Variants in PLXNA1 observed in about 807,000 individuals in gnomAD.
PLXNA1 encodes plexin-A1.
PLXNA1 carries 77 observed loss-of-function variants against 191.7 expected under a neutral mutation model. The observed-to-expected ratio is 0.40, with a 90% confidence interval of 0.33 to 0.49. The LOEUF (loss-of-function observed/expected upper bound fraction) is 0.49. Ranked by LOEUF, PLXNA1 falls within the 20% of genes least tolerant of loss-of-function variation. PLXNA1 has a pLI of 0.63. For synonymous variants in PLXNA1, 1,137 were observed against 1,156.4 expected (o/e 0.98, Z 0.34); for missense variants, 2,110 against 2,660.2 (o/e 0.79, Z 4.55).
chr3:127,014,926 C>T, intron 14 of PLXNA1, 95 bp downstream of exon 14: 2 of 1,510,616 alleles, frequency 1.3e-6, no homozygotes, highest in Non-Finnish European at 8.9e-7. Context: ...CTTGTCTGGC[C>T]ATGCTCTGCC....
Position 127,027,936 on chromosome 3 carries a change from G to A in PLXNA1, c.4363-4G>A, listed in dbSNP as rs748516636. 15 of 1,613,034 alleles carry A rather than the reference G, an allele frequency of 9.3e-6. No homozygotes were observed. The highest frequency in any genetic ancestry group is 8.9e-5 in the East Asian group (4 of 44,832). ...GCTGCAGCCTCATGCCGCCACCCCCGCAGGAGTGCGCTGGGGAGCCGCTGT... is the reference window on the plus strand; with the variant it reads ...GCTGCAGCCTCATGCCGCCACCCCCACAGGAGTGCGCTGGGGAGCCGCTGT... On this transcript the variant is annotated splice_polypyrimidine_tract_variant and splice_region_variant and intron_variant, in intron 23 of 31. Coordinates refer to ENST00000393409, the MANE Select transcript of PLXNA1 (RefSeq NM_032242.4).
rs565541810 is a variant in PLXNA1, at chr3:127,030,360, G to A, written c.5179G>A (p.Asp1727Asn). ...YMFDFLDEQA[D>N]KHQIHDADVR... is the part of the protein sequence containing the mutation. ...GTTCGACTTCCTGGATGAGCAGGCC[G>A]ACAAGCACCAGATCCACGATGCTGA... The change falls in exon 29 of 32, where the codon GAC (aspartate) becomes AAC (asparagine). Residue 1727 changes from aspartate (D) to asparagine (N), a missense_variant. Around this residue, in one of 4 missense-constraint regions of PLXNA1, gnomAD observed 559 missense variants for 911.5 expected, o/e 0.61. Coordinates refer to ENST00000393409, the MANE Select transcript of PLXNA1 (RefSeq NM_032242.4). 21 of 1,614,004 alleles carry A rather than the reference G, an allele frequency of 1.3e-5. No homozygotes were observed. The highest frequency in any genetic ancestry group is 2.2e-5 in the East Asian group (1 of 44,884).
rs369081095 is a variant in PLXNA1, at chr3:127,014,245, G to T, written c.2474G>T (p.Arg825Leu). ...SCGLCLKADP[R>L]FECGWCVAER... ...GGCCTCTGCCTCAAGGCCGACCCGC[G>T]CTTCGAGTGCGGATGGTGCGTGGCC... Residue 825 changes from arginine to leucine, a missense_variant, in exon 12 of 32, where the codon CGC (arginine) becomes CTC (leucine). By Grantham distance (102) the Arg-to-Leu change is moderately radical. Transcript: ENST00000393409. The T allele has an allele frequency of 6.2e-7, 1 of 1,602,372 alleles. No individual in the cohort carries two copies. The highest frequency in any genetic ancestry group is 1.3e-5 in the African/African-American group (1 of 74,800).
intron 3 of PLXNA1, among the ~76,000 whole-genome samples, chr3:126,999,429 CCT>C (rs1210676812): frequency 3.9e-5 from 6 of 152,198 alleles, no homozygotes; most frequent in African/African-American, 1.4e-4. Flanking sequence ...GGGCCAGGCC[CCT>C]GGCTGCCATC....
Position 126,989,745 on chromosome 3 carries a change from C to T in PLXNA1, c.1152C>T (p.Ser384=), listed in dbSNP as rs557890734. 4 of 1,612,264 alleles carry T rather than the reference C, an allele frequency of 2.5e-6. No homozygotes were observed. The highest frequency in any genetic ancestry group is 1.1e-5 in the South Asian group (1 of 90,958). ...GCTACCGTGGTGAGGGCAAGCTCTC[C>T]CTGCCGTGGCTGCTCAACAAGGAGC... The part of the protein sequence containing the change: ...QSCYRGEGKL[S]LPWLLNKELG... The change falls in exon 2 of 32, where the codon TCC becomes TCT. Residue 384 remains serine (S), a synonymous_variant. Transcript: ENST00000393409.
rs1221436274 is a variant in PLXNA1 at position 127,019,038 on chromosome 3, G to T, written c.3895+510G>T. 2.0e-5 allele frequency among the ~76,000 whole-genome samples: 3 copies of T among 152,162 alleles called. No individual in the cohort carries two copies. In the East Asian group the frequency reaches 5.8e-4, roughly 29 times the overall value. ...ACCTTTGTCCTTGAGATGTCTATAG[G>T]GGGAGTCATGCCACACCATGCTCCT... On this transcript the variant is annotated intron_variant, in intron 20 of 31. Coordinates refer to ENST00000393409, the MANE Select transcript of PLXNA1 (RefSeq NM_032242.4).
intron 19 of PLXNA1, 30 bp downstream of exon 19, chr3:127,017,922 G>T: frequency 6.2e-7 from 1 of 1,608,688 alleles, no homozygotes; most frequent in Non-Finnish European, 8.5e-7. Context: ...GTGCAGAGCT[G>T]GGAGAGCCAT....
At chr3:126,999,621 C>T (rs149695680) in intron 3 of PLXNA1, among the ~76,000 whole-genome samples, 3 of 152,194 alleles carry the variant, frequency 2.0e-5, no homozygotes, top group African/African-American at 4.8e-5. Flanking sequence ...TGGCTCTGGG[C>T]GGGATGGACA....
chr3:127,034,172 G>A lies in PLXNA1; in HGVS notation c.*155G>A. The A allele has an allele frequency of 1.6e-6, 1 of 637,496 alleles. No individual in the cohort carries two copies. The highest frequency in any genetic ancestry group is 2.7e-6 in the Non-Finnish European group (1 of 368,954). 39.5% of individuals were successfully genotyped at this position (637,496 alleles called of 1,614,324 possible). A position where few individuals can be genotyped will look rare whatever the true frequency, so the allele number is the denominator to read the frequency against. On this transcript the variant is annotated 3_prime_UTR_variant, in exon 32 of 32. Coordinates refer to ENST00000393409, the MANE Select transcript of PLXNA1 (RefSeq NM_032242.4). ...CTCCCTCCCCTGCCTCACCCGGTCG[G>A]GTCCCGGCTCTTCCTGTGTGGAGGT...
Position 126,991,449 on chromosome 3 carries a change from C to T in PLXNA1, c.1260C>T (p.Thr420=), listed in dbSNP as rs752718660. ...ACCAGCCCCTGGGGGGCACAGTCAC[C>T]ATTGAGGGGACGCCCCTGTTCGTGG... ...DFNQPLGGTV[T]IEGTPLFVDK... The change falls in exon 3 of 32, where the codon ACC becomes ACT. Residue 420 remains threonine (T), a synonymous_variant. Transcript: ENST00000393409. 6 of 1,612,918 alleles carry T rather than the reference C, an allele frequency of 3.7e-6. No homozygotes were observed. In the South Asian group the frequency reaches 4.4e-5, roughly 12 times the overall value.
rs553572031 is a variant in PLXNA1 at position 127,009,551 on chromosome 3, C to A, written c.2112+1638C>A. On this transcript the variant is annotated intron_variant, in intron 9 of 31. Coordinates refer to ENST00000393409, the MANE Select transcript of PLXNA1 (RefSeq NM_032242.4). ...TCAGGGAACAATGGCCAGTGGCAGTCCCCCCCCAACCCCCCCACAAGCCCT... is the reference window on the plus strand; with the variant it reads ...TCAGGGAACAATGGCCAGTGGCAGTACCCCCCCAACCCCCCCACAAGCCCT... Among the ~76,000 whole-genome samples, 49 of 116,130 alleles carry A rather than the reference C, an allele frequency of 4.2e-4. No homozygotes were observed. The South Asian group carries it at 5.8e-3, about 14-fold the overall frequency. 76.2% of individuals were successfully genotyped at this position (116,130 alleles called of 152,430 possible).
At chr3:126,992,910 G>C (rs929083311) in intron 3 of PLXNA1, among the ~76,000 whole-genome samples, 1 of 152,154 alleles carries the variant, frequency 6.6e-6, no homozygotes, top group African/African-American at 2.4e-5. Context: ...CAGGGCTCTC[G>C]AGCGCATGGG....
At chr3:127,016,146 C>T (rs967053242) in intron 15 of PLXNA1, among the ~76,000 whole-genome samples, 2 of 151,896 alleles carry the variant, frequency 1.3e-5, no homozygotes, top group African/African-American at 2.4e-5. Flanking sequence ...GCCTGGCGTG[C>T]GTGGGACGGG....
rs2078938425 is a variant in PLXNA1, at chr3:126,983,118, C to A, written c.-243C>A. 6.9e-6 allele frequency among the ~76,000 whole-genome samples: 1 copy of A among 145,622 alleles called. No individual in the cohort carries two copies. On this transcript the variant is annotated 5_prime_UTR_variant, in exon 1 of 32. Coordinates refer to ENST00000393409, the MANE Select transcript of PLXNA1 (RefSeq NM_032242.4). ...GCCGCGCGGCGCTCGGCGCCCCATT[C>A]ATGCTGGGCATCGGCTGCGCGGCCA...
At chr3:127,000,331 G>A (rs2079033832) in intron 3 of PLXNA1, among the ~76,000 whole-genome samples, 1 of 152,078 alleles carries the variant, frequency 6.6e-6, no homozygotes, top group Non-Finnish European at 1.5e-5. Context: ...AGCTGCTGTG[G>A]GAGGGGCTTC....
chr3:127,028,807 T>G, intron 25 of PLXNA1, 186 bp from the exon 26 acceptor site: 1 of 592,630 alleles, frequency 1.7e-6, no homozygotes. Flanking sequence ...TGTGGCAGAT[T>G]GGGAGGGCTG....
chr3:127,034,087 C>A lies in PLXNA1; in HGVS notation c.*70C>A. On this transcript the variant is annotated 3_prime_UTR_variant, in exon 32 of 32. Coordinates refer to ENST00000393409, the MANE Select transcript of PLXNA1 (RefSeq NM_032242.4). ...GAGCAGGGACCGGGACAGCCCTCAC[C>A]GCATGCGTGTGGAGTGTCCGGTGGT... The A allele has an allele frequency of 7.3e-7, 1 of 1,372,782 alleles. No homozygotes were observed. The highest frequency in any genetic ancestry group is 1.0e-6 in the Non-Finnish European group (1 of 995,484). The allele number at this position is 1,372,782 out of a possible 1,614,324, so 85.0% of individuals were successfully genotyped here. A position where few individuals can be genotyped will look rare whatever the true frequency, so the allele number is the denominator to read the frequency against.
At chr3:127,007,951 G>A in intron 9 of PLXNA1, 38 bp downstream of exon 9, 2 of 1,443,772 alleles carry the variant, frequency 1.4e-6, no homozygotes, top group Non-Finnish European at 1.9e-6. Flanking sequence ...GTTTTCAGAG[G>A]TGGAGCAGAA....
At chr3:127,011,877 GTGCACATC>G in intron 9 of PLXNA1, 73 bp from the exon 10 acceptor site, 1 of 1,325,214 alleles carries the variant, frequency 7.5e-7, no homozygotes, top group Non-Finnish European at 1.1e-6. Context: ...CACAGGCCCA[GTGCACATC>G]TGGAGCGTAG....
Sources: gnomAD v4.1 joint callset for allele counts (sites outside exome capture counted in the v4.1 genomes callset) on GRCh38, gnomAD v4.1.1 for gene constraint, gnomAD v4.1.1 regional missense constraint, MANE v1.5 for transcripts, NCBI Gene and HGNC (gene_info 2026-07-23, HGNC 2026-07-21) for gene names.